FRAS1: variants seen among roughly 807,000 people sequenced by gnomAD.
FRAS1 encodes the protein Fraser extracellular matrix complex subunit 1.
A neutral mutation model predicts 435.2 loss-of-function variants in FRAS1; 290 were observed. The observed-to-expected ratio is 0.67, with a 90% CI of 0.61 to 0.73. The LOEUF (loss-of-function observed/expected upper bound fraction) is 0.73. FRAS1 is among the 30% of genes least tolerant of loss of function. The pLI is 0.00. For synonymous variants in FRAS1, 1,800 were observed against 1,851.0 expected (o/e 0.97, Z 0.71); for missense variants, 4,860 against 5,001.5 (o/e 0.97, Z 0.85).
intron 6 of FRAS1, among the ~76,000 whole-genome samples, chr4:78,264,644 T>C (rs1292888123): frequency 6.6e-6 from 1 of 152,192 alleles, no homozygotes; most frequent in Non-Finnish European, 1.5e-5. Context: ...TGTGTGACCT[T>C]GGGCAAGTTA....
intron 9 of FRAS1, among the ~76,000 whole-genome samples, chr4:78,278,332 A>G (rs1727160437): frequency 6.6e-6 from 1 of 152,154 alleles, no homozygotes; most frequent in East Asian, 1.9e-4. Flanking sequence ...CTTTTCTGAA[A>G]CTCATAACTT....
rs140751256 is a variant in FRAS1 at position 78,291,157 on chromosome 4, A to G, written c.1534+4618A>G. Among the ~76,000 whole-genome samples the G allele has an allele frequency of 4.6e-3, 697 of 152,312 alleles. 6 individuals carry two copies. The highest frequency in any genetic ancestry group is 0.015 in the African/African-American group (642 of 41,570). On this transcript the variant is annotated intron_variant, in intron 14 of 73. Transcript: ENST00000512123. ...CTTATGGGTAAAACAGGGACATAAT[A>G]TCTGCCACATTGCACTGCTATGAAG...
In FRAS1 at chr4:78,237,672, G is replaced by A. The variant is rs1724822209; in HGVS notation, c.216+55G>A. The A allele has an allele frequency of 3.1e-6, 3 of 961,556 alleles. No individual in the cohort carries two copies. The East Asian group carries it at 7.8e-5, about 25-fold the overall frequency. 59.6% of individuals were successfully genotyped at this position (961,556 alleles called of 1,614,324 possible). A position where few individuals can be genotyped will look rare whatever the true frequency, so the allele number is the denominator to read the frequency against. On this transcript the variant is annotated intron_variant, in intron 3 of 73. Transcript: ENST00000512123. ...ATTGGTAAAGTCAGTGAAGGGTCAG[G>A]TTTTTGGATCATTTCAGACATCTGT...
chr4:78,187,996 T>C (rs1349258955), intron 2 of FRAS1, among the ~76,000 whole-genome samples: 1 of 152,200 alleles, frequency 6.6e-6, no homozygotes, highest in East Asian at 1.9e-4. Flanking sequence ...GTGATGCAAT[T>C]AAACAAGACC....
At chr4:78,525,726 C>A (rs1721514152) in intron 69 of FRAS1, among the ~76,000 whole-genome samples, 1 of 152,170 alleles carries the variant, frequency 6.6e-6, no homozygotes, top group South Asian at 2.1e-4. Context: ...AAGAAGGTTC[C>A]TGAAGCTTCT....
chr4:78,302,956 G>C (rs1728492738), intron 14 of FRAS1, among the ~76,000 whole-genome samples: 1 of 152,118 alleles, frequency 6.6e-6, no homozygotes, highest in South Asian at 2.1e-4. Flanking sequence ...GAATGGTAAT[G>C]CCTAGGTTTT....
At chr4:78,225,890 C>A (rs1724248646) in intron 2 of FRAS1, among the ~76,000 whole-genome samples, 1 of 152,154 alleles carries the variant, frequency 6.6e-6, no homozygotes. Flanking sequence ...CATGTTCCTG[C>A]ATTATAATTA....
intron 2 of FRAS1, among the ~76,000 whole-genome samples, chr4:78,213,357 T>C (rs1436461043): frequency 6.6e-6 from 1 of 152,288 alleles, no homozygotes; most frequent in African/African-American, 2.4e-5. Context: ...GCTTTCCACT[T>C]GGGCATGACC....
At chr4:78,307,124 C>CGGCCG (rs1560642736) in intron 14 of FRAS1, among the ~76,000 whole-genome samples, 1 of 152,030 alleles carries the variant, frequency 6.6e-6, no homozygotes, top group African/African-American at 2.4e-5. Flanking sequence ...GTACCCGGCA[C>CGGCCG]TGTGAGGTGT....
At chr4:78,258,400 G>A (rs568424826) in intron 6 of FRAS1, among the ~76,000 whole-genome samples, 16 of 150,842 alleles carry the variant, frequency 1.1e-4, no homozygotes, top group East Asian at 3.9e-4. Context: ...GAGCCTTTAC[G>A]CATTTGAGTA....
chr4:78,420,423 C>CA (rs765702112), intron 33 of FRAS1, among the ~76,000 whole-genome samples: 1 of 113,876 alleles, frequency 8.8e-6, no homozygotes, highest in Non-Finnish European at 2.2e-5. Flanking sequence ...TGAATTAGTT[C>CA]AACATCAAGC....
Position 78,539,357 on chromosome 4 carries a change from G to A in FRAS1, c.11362G>A (p.Ala3788Thr). ...FHDVPFEAHF[A>T]SELPDFHVVS... is the part of the protein sequence containing the mutation. ...TGATGTGCCTTTTGAGGCTCACTTTGCCTCTGAGTTGCCTGATTTCCATGT... is the reference window on the plus strand; with the variant it reads ...TGATGTGCCTTTTGAGGCTCACTTTACCTCTGAGTTGCCTGATTTCCATGT... The change falls in exon 73 of 74, where the codon GCC (alanine) becomes ACC (threonine). Residue 3788 changes from alanine (A) to threonine (T), a missense_variant. Transcript: ENST00000512123. 1 of 1,612,860 alleles carries A rather than the reference G, an allele frequency of 6.2e-7. No individual in the cohort carries two copies. The highest frequency in any genetic ancestry group is 8.5e-7 in the Non-Finnish European group (1 of 1,179,402).
At chr4:78,495,338 T>G (rs1720480671) in intron 59 of FRAS1, among the ~76,000 whole-genome samples, 1 of 152,176 alleles carries the variant, frequency 6.6e-6, no homozygotes, top group African/African-American at 2.4e-5. Flanking sequence ...ATCAAATGTA[T>G]CCAGTTTTTG....
At chr4:78,164,890 A>C (rs369464256) in intron 2 of FRAS1, among the ~76,000 whole-genome samples, 27 of 152,240 alleles carry the variant, frequency 1.8e-4, no homozygotes, top group African/African-American at 6.5e-4. Flanking sequence ...TGAAGATCCA[A>C]CTCTGTTTAG....
chr4:78,482,335 A>G, intron 57 of FRAS1, 53 bp from the exon 58 acceptor site: 2 of 1,607,998 alleles, frequency 1.2e-6, no homozygotes, highest in Non-Finnish European at 1.7e-6. Flanking sequence ...GTCAAGGTAA[A>G]TGGGTGTTAG....
chr4:78,475,712 G>A, intron 54 of FRAS1, 106 bp downstream of exon 54: 1 of 1,065,974 alleles, frequency 9.4e-7, no homozygotes, highest in South Asian at 2.0e-5. Context: ...TTTCACTGGT[G>A]TCCTTCTTCA....
chr4:78,173,811 T>C (rs1384061860), intron 2 of FRAS1, among the ~76,000 whole-genome samples: 2 of 152,236 alleles, frequency 1.3e-5, no homozygotes, highest in Non-Finnish European at 2.9e-5. Context: ...ATGGAGAAAG[T>C]GCTCCTCATT....
chr4:78,148,235 A>C (rs1169877644), intron 2 of FRAS1, among the ~76,000 whole-genome samples: 1 of 152,170 alleles, frequency 6.6e-6, no homozygotes, highest in African/African-American at 2.4e-5. Context: ...GGACCTGGAA[A>C]GTAGCTTAAG....
At chr4:78,213,667 T>C (rs933716108) in intron 2 of FRAS1, among the ~76,000 whole-genome samples, 1 of 152,188 alleles carries the variant, frequency 6.6e-6, no homozygotes, top group East Asian at 1.9e-4. Flanking sequence ...ATTTTTTTTT[T>C]ACTGGATTCT....
Sources: gnomAD v4.1 joint callset for allele counts (sites outside exome capture counted in the v4.1 genomes callset) on GRCh38, gnomAD v4.1.1 for gene constraint, MANE v1.5 for transcripts, NCBI Gene and HGNC (gene_info 2026-07-23, HGNC 2026-07-21) for gene names.